Variants in CIDEA observed in about 807,000 individuals in gnomAD.
CIDEA encodes cell death inducing DFFA like effector a, also known as lipid transferase CIDEA.
In CIDEA, 10 loss-of-function variants were observed where a neutral mutation model predicts 18.2. That is an observed-to-expected ratio of 0.55 (90% CI 0.34 to 0.93). CIDEA has a LOEUF of 0.93. CIDEA is among the 40% of genes least tolerant of loss of function. The probability of loss-of-function intolerance (pLI) is 0.02; values close to 1 mark genes in which losing one functional copy is unlikely to be tolerated. For synonymous variants in CIDEA, 128 were observed against 124.8 expected (o/e 1.03, Z -0.17); for missense variants, 309 against 293.1 (o/e 1.05, Z -0.40).
intron 3 of CIDEA, among the ~76,000 whole-genome samples, chr18:12,264,767 A>G (rs970251582): frequency 1.1e-4 from 17 of 152,030 alleles, no homozygotes; most frequent in East Asian, 3.9e-4. Context: ...GTTAGCCAGG[A>G]TGGTCTCGAT....
Position 12,272,159 on chromosome 18 carries a change from G to GC in CIDEA, c.331-1934_331-1933insC, listed in dbSNP as rs1300349256. Among the ~76,000 whole-genome samples, 5 of 14,158 alleles carry GC rather than the reference G, an allele frequency of 3.5e-4. No individual in the cohort carries two copies. The East Asian group carries it at 9.3e-3, about 26-fold the overall frequency. 9.3% of individuals were successfully genotyped at this position (14,158 alleles called of 152,430 possible). A position where few individuals can be genotyped will look rare whatever the true frequency, so the allele number is the denominator to read the frequency against. On this transcript the variant is annotated intron_variant, in intron 3 of 4. Transcript: ENST00000320477. ...CTTTGAGTGTGTGTGTGGGGGGGGG[G>GC]GGTTGGGGGGGGGTTGTTGTTGTTG... is the stretch of plus-strand genomic sequence containing the variant.
intron 1 of CIDEA, chr18:12,254,675 C>A: frequency 6.6e-7 from 1 of 1,521,898 alleles, no homozygotes; most frequent in South Asian, 1.2e-5. Flanking sequence ...GGCACAGGTA[C>A]CAGGTGTGGC....
intron 4 of CIDEA, among the ~76,000 whole-genome samples, chr18:12,275,554 C>T (rs1469147360): frequency 1.3e-5 from 2 of 152,328 alleles, no homozygotes; most frequent in South Asian, 4.1e-4. Context: ...CAGCTGCTGC[C>T]ATTCCAGTGC....
rs552652448 is a variant in CIDEA at position 12,262,775 on chromosome 18, C to T, written c.39-50C>T. 7.7e-6 allele frequency: 12 copies of T among 1,558,890 alleles called. No individual in the cohort carries two copies. In the African/African-American group the frequency reaches 1.1e-4, roughly 14 times the overall value. On this transcript the variant is annotated intron_variant, in intron 1 of 4. Coordinates refer to ENST00000320477, the MANE Select transcript of CIDEA (RefSeq NM_001279.4). ...ATTATTTTTATGTACTTTCACACTT[C>T]TTCTGACAGACTCTTTTTAAAAAGT...
rs116622808 is a variant in CIDEA at position 12,264,327 on chromosome 18, C to T, written c.204C>T (p.Ile68=). The change falls in exon 3 of 5, where the codon ATC becomes ATT. Residue 68 remains isoleucine (I), a synonymous_variant. Transcript: ENST00000320477. ...CCTAGACTCTGGATGCCCTCGTCAT[C>T]GCTACCGGACTGGTCACTCTGGTGC... The part of the protein sequence containing the change: ...LISKTLDALV[I]ATGLVTLVLE... The T allele has an allele frequency of 6.5e-5, 105 of 1,607,604 alleles. No homozygotes were observed. The African/African-American group carries it at 9.2e-4, about 14-fold the overall frequency.
In CIDEA at chr18:12,277,231, C is replaced by A; in HGVS notation, c.621C>A (p.Ser207=). 6.2e-7 allele frequency: 1 copy of A among 1,614,128 alleles called. No homozygotes were observed. Among genetic ancestry groups the A allele is most frequent in the Non-Finnish European group, 8.5e-7 (1 of 1,180,022 alleles). The change falls in exon 5 of 5, where the codon TCC becomes TCA. Residue 207 remains serine (S), a synonymous_variant. Transcript: ENST00000320477. ...RVLDDKEERP[S]LRSQAKGRFT... is the part of the protein sequence containing the mutation. The stretch of plus-strand genomic sequence containing the variant: ...TGGATGACAAGGAAGAGCGGCCATC[C>A]CTCCGGTCACAAGCCAAGGGCAGGT...
In CIDEA at chr18:12,262,883, C is replaced by G. The variant is rs754441044; in HGVS notation, c.97C>G (p.Pro33Ala). ...AGTCCTGTTCACCCCGCTCATGCAT[C>G]CAGCTCGCCCTTTCCGGGTCTCCAA... ...KRVLFTPLMH[P>A]ARPFRVSNHD... Residue 33 changes from proline to alanine, a missense_variant, in exon 2 of 5, where the codon CCA becomes GCA. Transcript: ENST00000320477. The G allele has an allele frequency of 6.2e-7, 1 of 1,614,202 alleles. No individual in the cohort carries two copies. Among genetic ancestry groups the G allele is most frequent in the Admixed American group, 1.7e-5 (1 of 60,026 alleles).
chr18:12,273,387 A>G (rs1912605068), intron 3 of CIDEA, among the ~76,000 whole-genome samples: 2 of 150,794 alleles, frequency 1.3e-5, no homozygotes, highest in Admixed American at 6.6e-5. Context: ...TGTCATTTGT[A>G]CTGGGGGCAG....
At chr18:12,277,004 A>C in intron 4 of CIDEA, 119 bp from the exon 5 acceptor site, 1 of 1,096,848 alleles carries the variant, frequency 9.1e-7, no homozygotes, top group Non-Finnish European at 1.4e-6. Flanking sequence ...CATGCTCTAA[A>C]TGTCAGCCTG....
At chr18:12,276,020 A>C (rs1260891048) in intron 4 of CIDEA, among the ~76,000 whole-genome samples, 1 of 140,650 alleles carries the variant, frequency 7.1e-6, no homozygotes, top group African/African-American at 2.6e-5. Context: ...TTGAGACGGA[A>C]TCTCACTCTG....
intron 3 of CIDEA, among the ~76,000 whole-genome samples, chr18:12,270,497 T>A (rs971764864): frequency 2.3e-4 from 35 of 152,070 alleles, no homozygotes; most frequent in Admixed American, 6.5e-5. Context: ...AAGACCAGCC[T>A]GGCCCACGGG....
At chr18:12,270,901 T>C (rs1366806787) in intron 3 of CIDEA, among the ~76,000 whole-genome samples, 3 of 136,420 alleles carry the variant, frequency 2.2e-5, no homozygotes, top group South Asian at 2.5e-4. Context: ...TTTCTTTTTT[T>C]TTTTTTTTTT....
intron 3 of CIDEA, among the ~76,000 whole-genome samples, chr18:12,271,122 C>T (rs1912516236): frequency 6.6e-6 from 1 of 152,096 alleles, no homozygotes; most frequent in Non-Finnish European, 1.5e-5. Flanking sequence ...TGGTCTCAAA[C>T]TCCTGACCTC....
chr18:12,271,461 G>A (rs573061958), intron 3 of CIDEA, among the ~76,000 whole-genome samples: 1 of 151,636 alleles, frequency 6.6e-6, no homozygotes, highest in Non-Finnish European at 1.5e-5. Context: ...GCGGCCCTGC[G>A]CCCTGGCTTT....
At chr18:12,270,889 CTTTTCTTT>C (rs1912499975) in intron 3 of CIDEA, among the ~76,000 whole-genome samples, 1 of 84,668 alleles carries the variant, frequency 1.2e-5, no homozygotes, top group Non-Finnish European at 2.4e-5. Context: ...TTTTCTTTTT[CTTTTCTTT>C]TTTTTTTTTT....
chr18:12,264,564 CT>C, intron 3 of CIDEA, 111 bp downstream of exon 3: 4 of 745,418 alleles, frequency 5.4e-6, no homozygotes, highest in Non-Finnish European at 7.8e-6. Flanking sequence ...TTTTTTTTTT[CT>C]TTTTTTGAGA....
chr18:12,263,377 T>C (rs1459935013), intron 2 of CIDEA, among the ~76,000 whole-genome samples: 1 of 152,182 alleles, frequency 6.6e-6, no homozygotes, highest in Non-Finnish European at 1.5e-5. Context: ...ATGTGAATTA[T>C]ACATCAGTAA....
chr18:12,262,472 A>G (rs1912220344), intron 1 of CIDEA, among the ~76,000 whole-genome samples: 1 of 152,230 alleles, frequency 6.6e-6, no homozygotes, highest in Admixed American at 6.5e-5. Flanking sequence ...CTTCATGGCC[A>G]CTAGAAATCA....
At chr18:12,272,067 C>T (rs1447688511) in intron 3 of CIDEA, among the ~76,000 whole-genome samples, 1 of 147,924 alleles carries the variant, frequency 6.8e-6, no homozygotes, top group Admixed American at 6.8e-5. Flanking sequence ...TTTCCAAACA[C>T]GTTTCCCGGC....
Sources: gnomAD v4.1 joint callset for allele counts (sites outside exome capture counted in the v4.1 genomes callset) on GRCh38, gnomAD v4.1.1 for gene constraint, MANE v1.5 for transcripts, NCBI Gene and HGNC (gene_info 2026-07-23, HGNC 2026-07-21) for gene names.